CNTN3: variants seen among roughly 807,000 people sequenced by gnomAD.
The protein encoded by CNTN3 is contactin 3.
In CNTN3, 60 loss-of-function variants were observed where a neutral mutation model predicts 119.1. The observed-to-expected ratio is 0.50, with a 90% CI of 0.41 to 0.62. CNTN3 has a LOEUF of 0.62. Among genes scored for constraint, CNTN3 ranks in the 20% least tolerant of loss-of-function variants. The pLI, the probability that CNTN3 is intolerant of heterozygous loss-of-function variation, is 0.00. For missense variants in CNTN3, 1,101 were observed against 1,242.4 expected (o/e 0.89, Z 1.71); for synonymous variants, 450 against 438.7 (o/e 1.03, Z -0.32).
chr3:74,574,096 A>G (rs1286733293), intron 1 of CNTN3, among the ~76,000 whole-genome samples: 2 of 152,224 alleles, frequency 1.3e-5, no homozygotes, highest in African/African-American at 4.8e-5. Flanking sequence ...TATGAATAAA[A>G]TGGAATATTA....
intron 17 of CNTN3, among the ~76,000 whole-genome samples, chr3:74,299,184 G>A (rs937640638): frequency 6.6e-6 from 1 of 151,926 alleles, no homozygotes; most frequent in African/African-American, 2.4e-5. Flanking sequence ...CTCCAGACTG[G>A]GCAACAGAGC....
In CNTN3 at chr3:74,264,438, G is replaced by A; in HGVS notation, c.3050C>T (p.Pro1017Leu). The change falls in exon 23 of 23, where the codon CCT becomes CTT. Residue 1017 changes from proline (P) to leucine (L), a missense_variant. Physicochemically the swap from Pro to Leu is moderately conservative, Grantham distance 98 (BLOSUM62 -3). Coordinates refer to ENST00000263665, the MANE Select transcript of CNTN3 (RefSeq NM_020872.3). The stretch of plus-strand genomic sequence containing the variant: ...ATATACAATTAAGAACAGTACTATA[G>A]GCATATAACTTGACATAGGGTGGAC... ...SNVHPMSSYMPIVLFLIVYVL... is the reference protein window; with the variant it reads ...SNVHPMSSYMLIVLFLIVYVL... 2 of 1,610,242 alleles carry A rather than the reference G, an allele frequency of 1.2e-6. No homozygotes were observed. The highest frequency in any genetic ancestry group is 1.7e-6 in the Non-Finnish European group (2 of 1,177,162).
chr3:74,315,837 A>G (rs549983683), intron 13 of CNTN3, among the ~76,000 whole-genome samples: 1 of 152,208 alleles, frequency 6.6e-6, no homozygotes, highest in Non-Finnish European at 1.5e-5. Flanking sequence ...CTTAAATGTA[A>G]GACATGAAAC....
intron 3 of CNTN3, among the ~76,000 whole-genome samples, chr3:74,499,133 T>C (rs1045951609): frequency 1.3e-5 from 2 of 151,818 alleles, no homozygotes; most frequent in African/African-American, 4.8e-5. Context: ...GTTTATATAA[T>C]CTTAAAAATA....
chr3:74,483,971 C>A (rs1017507432), intron 4 of CNTN3, among the ~76,000 whole-genome samples: 1 of 152,060 alleles, frequency 6.6e-6, no homozygotes, highest in Non-Finnish European at 1.5e-5. Context: ...ACAAGTCATA[C>A]TTTTCAGGAG....
chr3:74,362,705 G>C (rs951627306), intron 10 of CNTN3, among the ~76,000 whole-genome samples: 1 of 150,398 alleles, frequency 6.6e-6, no homozygotes, highest in Non-Finnish European at 1.5e-5. Context: ...GGAATGAAAG[G>C]GTATGTTAAT....
chr3:74,298,500 A>C (rs1277533567), intron 17 of CNTN3, among the ~76,000 whole-genome samples: 2 of 152,142 alleles, frequency 1.3e-5, no homozygotes, highest in Non-Finnish European at 2.9e-5. Flanking sequence ...TCAGTTGAAA[A>C]TATCTGATCT....
intron 1 of CNTN3, among the ~76,000 whole-genome samples, chr3:74,556,214 C>A (rs147638486): frequency 6.6e-6 from 1 of 152,254 alleles, no homozygotes; most frequent in Non-Finnish European, 1.5e-5. Context: ...ATAGTATGTT[C>A]AGAGTTGTGT....
intron 13 of CNTN3, among the ~76,000 whole-genome samples, chr3:74,314,590 A>G (rs1227599564): frequency 2.6e-5 from 4 of 152,218 alleles, no homozygotes; most frequent in Non-Finnish European, 5.9e-5. Context: ...GGACACTCCA[A>G]GAGGATGTAA....
At chr3:74,590,818 A>G (rs963162495) in intron 1 of CNTN3, among the ~76,000 whole-genome samples, 1 of 152,062 alleles carries the variant, frequency 6.6e-6, no homozygotes, top group African/African-American at 2.4e-5. Context: ...GCAACATATC[A>G]GAAAACACAT....
rs10663609 is a variant in CNTN3 at position 74,536,997 on chromosome 3, A to AACACACACAC, written c.-80-15815_-80-15806dup. Among the ~76,000 whole-genome samples the AACACACACAC allele has an allele frequency of 1.0e-2, 1,499 of 150,630 alleles. 12 individuals are homozygous for AACACACACAC. The highest frequency in any genetic ancestry group is 0.015 in the African/African-American group (611 of 41,140). The stretch of plus-strand genomic sequence containing the variant: ...GCAAACCTGTCATACTTTCATTTAA[A>AACACACACAC]ACACACACACACACACAGCTGGCCT... On this transcript the variant is annotated intron_variant, in intron 1 of 22. Transcript: ENST00000263665.
intron 13 of CNTN3, among the ~76,000 whole-genome samples, chr3:74,327,000 CATCTT>C (rs1703147806): frequency 6.6e-6 from 1 of 150,700 alleles, no homozygotes; most frequent in Non-Finnish European, 1.5e-5. Flanking sequence ...TATTGAATGT[CATCTT>C]AGTATCAATC....
At chr3:74,549,883 A>G (rs1703965325) in intron 1 of CNTN3, among the ~76,000 whole-genome samples, 1 of 152,242 alleles carries the variant, frequency 6.6e-6, no homozygotes, top group Admixed American at 6.5e-5. Context: ...ATACGCCCTC[A>G]GGGTCCTGGA....
chr3:74,270,447 T>C (rs563214400), intron 20 of CNTN3, among the ~76,000 whole-genome samples: 4 of 152,270 alleles, frequency 2.6e-5, no homozygotes, highest in Admixed American at 6.5e-5. Flanking sequence ...GGATCAGATC[T>C]GAATCTCACT....
intron 5 of CNTN3, among the ~76,000 whole-genome samples, chr3:74,380,258 G>C (rs1704581090): frequency 1.3e-5 from 2 of 152,210 alleles, no homozygotes; most frequent in African/African-American, 4.8e-5. Context: ...GCCAAGACCT[G>C]CTTTGTGTGC....
At chr3:74,304,572 G>T (rs1203291741) in intron 13 of CNTN3, among the ~76,000 whole-genome samples, 3 of 152,110 alleles carry the variant, frequency 2.0e-5, no homozygotes, top group African/African-American at 7.2e-5. Context: ...AGGATTTTAT[G>T]TCCTCACATA....
intron 2 of CNTN3, among the ~76,000 whole-genome samples, chr3:74,503,038 G>T (rs1435608628): frequency 3.3e-5 from 5 of 152,142 alleles, no homozygotes; most frequent in Admixed American, 3.3e-4. Flanking sequence ...GCTAGTGATT[G>T]ATAAAGCTAA....
At chr3:74,608,835 A>AATATTAATT (rs1575866623) in intron 1 of CNTN3, among the ~76,000 whole-genome samples, 1 of 152,308 alleles carries the variant, frequency 6.6e-6, no homozygotes, top group East Asian at 1.9e-4. Context: ...ACAATTTTAC[A>AATATTAATT]ATATTAATTA....
At chr3:74,451,832 C>T (rs1205747181) in intron 4 of CNTN3, among the ~76,000 whole-genome samples, 31 of 149,320 alleles carry the variant, frequency 2.1e-4, no homozygotes, top group African/African-American at 4.0e-4. Context: ...TGTAGATATG[C>T]GGCATTATTT....
Sources: gnomAD v4.1 joint callset for allele counts (sites outside exome capture counted in the v4.1 genomes callset) on GRCh38, gnomAD v4.1.1 for gene constraint, MANE v1.5 for transcripts, NCBI Gene and HGNC (gene_info 2026-07-23, HGNC 2026-07-21) for gene names.